Variants in TNFAIP8L3 observed in about 807,000 individuals in gnomAD.
TNFAIP8L3 encodes the protein TNF alpha induced protein 8 like 3.
TNFAIP8L3 carries 7 observed loss-of-function variants against 11.8 expected under a neutral mutation model. The observed-to-expected ratio is 0.59, with a 90% confidence interval of 0.34 to 1.11. The LOEUF (loss-of-function observed/expected upper bound fraction) is 1.11. Ranked by LOEUF, TNFAIP8L3 falls within the 50% of genes most tolerant of loss-of-function variation. The pLI is 0.03. For missense variants in TNFAIP8L3, 219 were observed against 258.6 expected, an observed-to-expected ratio of 0.85 and a Z score of 1.05; for synonymous variants, 98 against 103.8, an observed-to-expected ratio of 0.94 and a Z score of 0.34.
chr15:51,059,125 C>G (rs1392559785), intron 1 of TNFAIP8L3, among the ~76,000 whole-genome samples: 3 of 152,142 alleles, frequency 2.0e-5, no homozygotes, highest in Admixed American at 2.0e-4. Context: ...ATGTTGCCTC[C>G]TGAATACTCT....
intron 1 of TNFAIP8L3, among the ~76,000 whole-genome samples, chr15:51,074,668 A>AAATAGTCG (rs2065336872): frequency 6.6e-6 from 1 of 152,230 alleles, no homozygotes; most frequent in Non-Finnish European, 1.5e-5. Context: ...CAACTGGCTG[A>AAATAGTCG]AATAGTCGGG....
At chr15:51,079,963 C>G (rs777501303) in intron 1 of TNFAIP8L3, among the ~76,000 whole-genome samples, 5 of 151,960 alleles carry the variant, frequency 3.3e-5, no homozygotes, top group Middle Eastern at 3.4e-3. Flanking sequence ...CTGATGCTAG[C>G]TACTTACAGA....
chr15:51,091,969 T>C (rs1047248296), intron 1 of TNFAIP8L3, among the ~76,000 whole-genome samples: 6 of 152,230 alleles, frequency 3.9e-5, no homozygotes, highest in Admixed American at 6.5e-5. Flanking sequence ...GTTATTATAC[T>C]GAATCTTCAT....
intron 1 of TNFAIP8L3, among the ~76,000 whole-genome samples, chr15:51,092,795 C>G: frequency 6.6e-6 from 1 of 152,150 alleles, no homozygotes; most frequent in Non-Finnish European, 1.5e-5. Flanking sequence ...AATTCTTTTC[C>G]TTCCCTTTCA....
chr15:51,097,489 T>C (rs1365591941), upstream of TNFAIP8L3, among the ~76,000 whole-genome samples: 2 of 152,194 alleles, frequency 1.3e-5, no homozygotes, highest in Non-Finnish European at 2.9e-5. Context: ...ATTTACCTGC[T>C]CCTATATTCA....
intron 1 of TNFAIP8L3, among the ~76,000 whole-genome samples, chr15:51,087,539 A>C (rs2065438365): frequency 1.3e-5 from 2 of 152,180 alleles, no homozygotes; most frequent in African/African-American, 2.4e-5. Context: ...TCATGGCCAG[A>C]ATATTTTCCC....
intron 1 of TNFAIP8L3, among the ~76,000 whole-genome samples, chr15:51,101,132 C>A (rs557212819): frequency 6.6e-6 from 1 of 152,316 alleles, no homozygotes; most frequent in Non-Finnish European, 1.5e-5. Flanking sequence ...ACCAAATGGA[C>A]CTGCTGTGGT....
chr15:51,077,043 T>G (rs1435557323), intron 1 of TNFAIP8L3, among the ~76,000 whole-genome samples: 1 of 152,116 alleles, frequency 6.6e-6, no homozygotes, highest in Non-Finnish European at 1.5e-5. Context: ...TCCTGCTTCT[T>G]TCTCACTGTG....
At chr15:51,100,545 A>G (rs1242006879) in intron 1 of TNFAIP8L3, among the ~76,000 whole-genome samples, 2 of 152,250 alleles carry the variant, frequency 1.3e-5, no homozygotes, top group Non-Finnish European at 2.9e-5. Flanking sequence ...TAAGAGCAAC[A>G]TGAGTCAACA....
At chr15:51,082,731 A>C (rs1476626492) in intron 1 of TNFAIP8L3, among the ~76,000 whole-genome samples, 1 of 151,992 alleles carries the variant, frequency 6.6e-6, no homozygotes, top group Non-Finnish European at 1.5e-5. Context: ...TTTTCTATTA[A>C]TTTTTTTCTT....
chr15:51,087,208 C>T (rs998000339), intron 1 of TNFAIP8L3, among the ~76,000 whole-genome samples: 2 of 152,220 alleles, frequency 1.3e-5, no homozygotes, highest in Non-Finnish European at 2.9e-5. Context: ...CCTGTAACCC[C>T]CAATCCCAGC....
chr15:51,086,313 T>C (rs1163226448), intron 1 of TNFAIP8L3, among the ~76,000 whole-genome samples: 1 of 152,222 alleles, frequency 6.6e-6, no homozygotes, highest in African/African-American at 2.4e-5. Context: ...GTGCTAACTC[T>C]CCCATCTTCC....
chr15:51,073,525 A>G (rs1373668326), intron 1 of TNFAIP8L3, among the ~76,000 whole-genome samples: 2 of 152,234 alleles, frequency 1.3e-5, no homozygotes, highest in African/African-American at 4.8e-5. Flanking sequence ...TAGGAACCCA[A>G]CTGATCCCTG....
chr15:51,060,686 C>T (rs906111208), intron 1 of TNFAIP8L3, among the ~76,000 whole-genome samples: 14 of 152,198 alleles, frequency 9.2e-5, no homozygotes, highest in Non-Finnish European at 1.6e-4. Flanking sequence ...CTGTGTCAGG[C>T]GCTGTTTAAC....
At chr15:51,077,413 CCCCAG>C (rs2140972761) in intron 1 of TNFAIP8L3, among the ~76,000 whole-genome samples, 1 of 152,356 alleles carries the variant, frequency 6.6e-6, no homozygotes, top group East Asian at 1.9e-4. Flanking sequence ...CCGCCTGTCT[CCCCAG>C]CCTCTCATCC....
rs191729032 is a variant in TNFAIP8L3, at chr15:51,083,092, T to C, written c.52+11452A>G. 3.5e-4 allele frequency among the ~76,000 whole-genome samples: 53 copies of C among 152,318 alleles called. No homozygotes were observed. The East Asian group carries it at 0.01, about 29-fold the overall frequency. Reference sequence around the variant, plus strand: ...GTGAATCTAAATGGTGGGCACTTCCTTTTCTAGAAGCCTCCTGACTGGGCT... The same window carrying C: ...GTGAATCTAAATGGTGGGCACTTCCCTTTCTAGAAGCCTCCTGACTGGGCT... On this transcript the variant is annotated intron_variant, in intron 1 of 1. Transcript: ENST00000637513.
rs1413336488 is a variant in TNFAIP8L3, at chr15:51,058,350, A to G, written c.146T>C (p.Ile49Thr). 6 of 1,614,040 alleles carry G rather than the reference A, an allele frequency of 3.7e-6. No homozygotes were observed. The highest frequency in any genetic ancestry group is 2.2e-5 in the East Asian group (1 of 44,902). Residue 49 changes from isoleucine to threonine, a missense_variant, in exon 2 of 2, where the codon ATT (isoleucine) becomes ACT (threonine). Physicochemically the swap from Ile to Thr is moderately conservative, Grantham distance 89 (BLOSUM62 -1). Transcript: ENST00000637513. ...IASKTVANML[I>T]DDTSSEIFDE... ...AAAGATCTCGCTGCTGGTGTCATCA[A>G]TCAACATGTTGGCCACAGTTTTGCT...
intron 1 of TNFAIP8L3, among the ~76,000 whole-genome samples, chr15:51,071,045 C>T (rs1472851761): frequency 5.2e-5 from 4 of 77,456 alleles, no homozygotes; most frequent in Admixed American, 2.9e-4. Context: ...AGCGAGACTC[C>T]GTCTCAAAAA....
In TNFAIP8L3 at chr15:51,058,104, C is replaced by T; in HGVS notation, c.392G>A (p.Arg131Lys). 2.5e-6 allele frequency: 4 copies of T among 1,614,140 alleles called. No homozygotes were observed. The highest frequency in any genetic ancestry group is 3.4e-6 in the Non-Finnish European group (4 of 1,179,994). ...SFYEVEYTFDRNVLSNLLHEC... is the reference protein window; with the variant it reads ...SFYEVEYTFDKNVLSNLLHEC... ...ATGCAGGAGATTGGAGAGCACGTTC[C>T]TATCGAAGGTGTATTCCACCTCATA... Residue 131 changes from arginine (R) to lysine (K), a missense_variant, in exon 2 of 2, where the codon AGG becomes AAG. Physicochemically the swap from Arg to Lys is conservative, Grantham distance 26. Coordinates refer to ENST00000637513, the MANE Select transcript of TNFAIP8L3 (RefSeq NM_001311175.2).
Sources: allele counts gnomAD v4.1 joint callset (sites outside exome capture counted in the v4.1 genomes callset), GRCh38; gene constraint gnomAD v4.1.1; transcripts MANE v1.5; gene names NCBI Gene and HGNC (gene_info 2026-07-23, HGNC 2026-07-21).